The following ZNF248 variants were observed in gnomAD, a reference collection of about 807,000 sequenced individuals.
The protein encoded by ZNF248 is KRAB protein domain.
Under a neutral mutation model 44.3 loss-of-function variants are expected in ZNF248, and 20 were observed. The observed-to-expected ratio is 0.45, with a 90% CI of 0.32 to 0.66. ZNF248 has a LOEUF of 0.66. Among genes scored for constraint, ZNF248 ranks in the 30% least tolerant of loss-of-function variants. The pLI, the probability that ZNF248 is intolerant of heterozygous loss-of-function variation, is 0.04. For missense variants in ZNF248, 654 were observed against 677.0 expected, an observed-to-expected ratio of 0.97 and a Z score of 0.38; for synonymous variants, 224 against 229.0, an observed-to-expected ratio of 0.98 and a Z score of 0.20.
At chr10:37,768,371 G>A in the ZNF248 span, among the ~76,000 whole-genome samples, 16,704 of 152,102 alleles carry the variant, frequency 0.11, 1,170 homozygotes, top group Admixed American at 0.19. Context: ...ATACTTGGAA[G>A]TAAAGCTCTC....
chr10:37,821,107 G>A, intron 6 of ZNF248: 1 of 551,600 alleles, frequency 1.8e-6, no homozygotes, highest in Non-Finnish European at 3.2e-6. Flanking sequence ...TGCTGCCATT[G>A]TGGAAGTCAT....
At chr10:37,801,279 G>C (rs975519659) in intron 6 of ZNF248, among the ~76,000 whole-genome samples, 2 of 151,930 alleles carry the variant, frequency 1.3e-5, no homozygotes, top group Non-Finnish European at 2.9e-5. Context: ...AGGAGGCTGA[G>C]GCACGAGAAT....
At chr10:37,805,023 A>G (rs1589249640) in intron 6 of ZNF248, among the ~76,000 whole-genome samples, 2 of 152,230 alleles carry the variant, frequency 1.3e-5, no homozygotes, top group East Asian at 3.8e-4. Context: ...TATAGTTACT[A>G]AGTTGTATTA....
At chr10:37,827,380 A>C (rs909194770), downstream of ZNF248, among the ~76,000 whole-genome samples, 1 of 152,220 alleles carries the variant, frequency 6.6e-6, no homozygotes, top group Non-Finnish European at 1.5e-5. Context: ...AAAGAAACCA[A>C]TAACAGAGAG....
the ZNF248 span, among the ~76,000 whole-genome samples, chr10:37,764,199 C>A: frequency 6.6e-6 from 1 of 152,122 alleles, no homozygotes; most frequent in Non-Finnish European, 1.5e-5. Context: ...AGGGGGAGGT[C>A]TCTAAAATGG....
At chr10:37,836,114 C>T (rs2057109342) in intron 5 of ZNF248, among the ~76,000 whole-genome samples, 1 of 152,036 alleles carries the variant, frequency 6.6e-6, no homozygotes, top group South Asian at 2.1e-4. Context: ...ATGTTCTTGG[C>T]TCCATCTTCA....
chr10:37,773,058 C>T (rs1056013969), downstream of ZNF248, among the ~76,000 whole-genome samples: 5 of 152,086 alleles, frequency 3.3e-5, no homozygotes, highest in African/African-American at 1.2e-4. Context: ...ACCAGCCTGG[C>T]CAACATGGCG....
chr10:37,825,095 T>C (rs576725734), downstream of ZNF248, among the ~76,000 whole-genome samples: 3 of 152,234 alleles, frequency 2.0e-5, no homozygotes, highest in African/African-American at 4.8e-5. Context: ...CCTGTTGATA[T>C]GTTGTTCATA....
chr10:37,839,044 G>A (rs952891603), intron 3 of ZNF248, among the ~76,000 whole-genome samples: 1 of 152,090 alleles, frequency 6.6e-6, no homozygotes, highest in East Asian at 1.9e-4. Flanking sequence ...TGATAAGAAC[G>A]GCTCACTAAG....
At chr10:37,827,389 A>G (rs2054544366), downstream of ZNF248, among the ~76,000 whole-genome samples, 1 of 152,244 alleles carries the variant, frequency 6.6e-6, no homozygotes, top group Non-Finnish European at 1.5e-5. Context: ...AATAACAGAG[A>G]GTATTGGCCA....
chr10:37,774,786 C>CT (rs139430641), downstream of ZNF248, among the ~76,000 whole-genome samples: 484 of 149,590 alleles, frequency 3.2e-3, 2 homozygotes, highest in Non-Finnish European at 3.5e-3. Flanking sequence ...TTTCTTTATT[C>CT]TTTTTTTTTT....
the ZNF248 span, among the ~76,000 whole-genome samples, chr10:37,759,008 A>T: frequency 3.3e-5 from 5 of 152,140 alleles, no homozygotes; most frequent in Admixed American, 1.3e-4. Flanking sequence ...TCCTGTGCTA[A>T]AGGAGACCAC....
chr10:37,762,646 T>C, the ZNF248 span, among the ~76,000 whole-genome samples: 1 of 152,194 alleles, frequency 6.6e-6, no homozygotes. Context: ...ATAAAAGTTT[T>C]TGGCCAACTC....
chr10:37,791,137 G>T (rs2048504906), intron 6 of ZNF248, among the ~76,000 whole-genome samples: 1 of 139,580 alleles, frequency 7.2e-6, no homozygotes, highest in East Asian at 2.2e-4. Context: ...TGCTTCCCGG[G>T]TTCACGCCAT....
chr10:37,806,551 T>C (rs907990703), intron 6 of ZNF248, among the ~76,000 whole-genome samples: 1 of 152,128 alleles, frequency 6.6e-6, no homozygotes, highest in Non-Finnish European at 1.5e-5. Context: ...TTTTTTAATG[T>C]CTACTCAAGT....
At chr10:37,804,842 T>C (rs2050335558) in intron 6 of ZNF248, among the ~76,000 whole-genome samples, 1 of 152,226 alleles carries the variant, frequency 6.6e-6, no homozygotes, top group Non-Finnish European at 1.5e-5. Flanking sequence ...TCACAAGCAC[T>C]AAAGCAATGG....
intron 6 of ZNF248, chr10:37,819,827 GC>G (rs1354928824): frequency 5.1e-6 from 4 of 787,050 alleles, no homozygotes; most frequent in Admixed American, 3.4e-5. Context: ...TTTCCGCTTT[GC>G]TAACATTTTC....
intron 6 of ZNF248, among the ~76,000 whole-genome samples, chr10:37,805,993 C>A (rs933393752): frequency 6.6e-6 from 1 of 152,184 alleles, no homozygotes; most frequent in East Asian, 1.9e-4. Flanking sequence ...ATTTCTCTTG[C>A]GTATATTTCT....
At chr10:37,818,056 T>C (rs1384979473) in intron 6 of ZNF248, among the ~76,000 whole-genome samples, 1 of 151,998 alleles carries the variant, frequency 6.6e-6, no homozygotes, top group African/African-American at 2.4e-5. Context: ...GCTGGGACTA[T>C]AGGCGCCCAC....
Sources: allele counts gnomAD v4.1 joint callset (sites outside exome capture counted in the v4.1 genomes callset), GRCh38; gene constraint gnomAD v4.1.1; transcripts MANE v1.5; gene names NCBI Gene and HGNC (gene_info 2026-07-23, HGNC 2026-07-21).